EPHA6: variants seen among roughly 807,000 people sequenced by gnomAD.
EPHA6 encodes EPH receptor A6.
EPHA6 carries 50 observed loss-of-function variants against 112.0 expected under a neutral mutation model. The ratio of observed to expected loss-of-function variants is 0.45; its 90% CI spans 0.36 to 0.56. EPHA6 has a LOEUF of 0.56. Among genes scored for constraint, EPHA6 ranks in the 20% least tolerant of loss-of-function variants. EPHA6 has a pLI of 0.00. For missense variants in EPHA6, 1,280 were observed against 1,417.4 expected (o/e 0.90, Z 1.56); for synonymous variants, 529 against 490.7 (o/e 1.08, Z -1.03).
At chr3:97,076,764 G>A (rs2046540303) in intron 3 of EPHA6, among the ~76,000 whole-genome samples, 1 of 152,128 alleles carries the variant, frequency 6.6e-6, no homozygotes, top group Non-Finnish European at 1.5e-5. Context: ...TTGAGTGGGA[G>A]TCAGTGCTCA....
At chr3:97,504,687 C>G (rs1050331429) in intron 10 of EPHA6, among the ~76,000 whole-genome samples, 1 of 151,998 alleles carries the variant, frequency 6.6e-6, no homozygotes, top group Admixed American at 6.6e-5. Flanking sequence ...ACTGCCTGCC[C>G]GATGGTATAT....
intron 6 of EPHA6, among the ~76,000 whole-genome samples, chr3:97,407,081 G>C (rs1157247334): frequency 6.6e-6 from 1 of 151,986 alleles, no homozygotes; most frequent in Non-Finnish European, 1.5e-5. Flanking sequence ...TGATATGTTT[G>C]AGGATGAAAA....
At chr3:96,984,305 T>C (rs927399130) in intron 2 of EPHA6, among the ~76,000 whole-genome samples, 2 of 152,184 alleles carry the variant, frequency 1.3e-5, no homozygotes, top group African/African-American at 4.8e-5. Flanking sequence ...TGTTGGAGTT[T>C]GCTGGAGGTC....
intron 2 of EPHA6, among the ~76,000 whole-genome samples, chr3:96,922,772 C>T (rs1201942313): frequency 1.3e-5 from 2 of 152,082 alleles, no homozygotes; most frequent in Non-Finnish European, 2.9e-5. Flanking sequence ...GCCCAGCATC[C>T]ATTAGCTATT....
chr3:97,511,236 A>G (rs6779427), intron 10 of EPHA6, among the ~76,000 whole-genome samples: 5,864 of 151,386 alleles, frequency 0.039, 140 homozygotes, highest in South Asian at 0.086. Flanking sequence ...AAAAAAAAAA[A>G]ACTTCTGCAG....
chr3:97,242,224 C>A (rs1319727971), intron 4 of EPHA6, among the ~76,000 whole-genome samples: 1 of 151,820 alleles, frequency 6.6e-6, no homozygotes, highest in African/African-American at 2.4e-5. Flanking sequence ...TCCAATGAGC[C>A]TAGCAGTCCT....
intron 3 of EPHA6, among the ~76,000 whole-genome samples, chr3:97,213,877 G>GT (rs2077950206): frequency 1.3e-5 from 2 of 151,954 alleles, no homozygotes; most frequent in African/African-American, 4.8e-5. Flanking sequence ...AGGTCTAATG[G>GT]TTTTTCTATT....
chr3:97,273,588 C>A (rs556952472), intron 5 of EPHA6, among the ~76,000 whole-genome samples: 1 of 152,130 alleles, frequency 6.6e-6, no homozygotes, highest in Non-Finnish European at 1.5e-5. Flanking sequence ...ATTGTCCATT[C>A]CTTTTTAAGT....
chr3:96,831,179 G>A (rs1378783854), intron 1 of EPHA6, among the ~76,000 whole-genome samples: 1 of 151,792 alleles, frequency 6.6e-6, no homozygotes, highest in African/African-American at 2.4e-5. Context: ...TATTATTTTT[G>A]TGGGTATAAA....
intron 3 of EPHA6, among the ~76,000 whole-genome samples, chr3:96,994,726 TATATATAGAGAG>T (rs2043342701): frequency 1.3e-5 from 1 of 78,290 alleles, no homozygotes; most frequent in Non-Finnish European, 2.4e-5. Flanking sequence ...TATATATATA[TATATATAGAGAG>T]AGAGAGAGAG....
intron 6 of EPHA6, chr3:97,447,943 A>G (rs1228745808): frequency 1.2e-5 from 3 of 257,414 alleles, no homozygotes; most frequent in South Asian, 3.0e-4. Context: ...AATAAGCTAT[A>G]TTTAGGGGAG....
chr3:96,920,152 A>G lies in EPHA6; in HGVS notation c.450+53263A>G, dbSNP rs927848726. 4.7e-4 allele frequency among the ~76,000 whole-genome samples: 71 copies of G among 152,062 alleles called. 1 individual carries two copies. Among genetic ancestry groups the G allele is most frequent in the African/African-American group, 1.6e-3 (65 of 41,566 alleles). On this transcript the variant is annotated intron_variant, in intron 2 of 17. Transcript: ENST00000389672. ...AATCATAATAAATGATTGGTAAAGGAAAACATTAATAACCTTTAGTGAAGC... is the reference window on the plus strand; with the variant it reads ...AATCATAATAAATGATTGGTAAAGGGAAACATTAATAACCTTTAGTGAAGC...
At chr3:96,824,285 T>C (rs1330665338) in intron 1 of EPHA6, among the ~76,000 whole-genome samples, 2 of 151,728 alleles carry the variant, frequency 1.3e-5, no homozygotes, top group Non-Finnish European at 2.9e-5. Context: ...AGCTAAATGG[T>C]ATATATATAT....
In EPHA6 at chr3:96,884,545, A is replaced by C. The variant is rs188696477; in HGVS notation, c.450+17656A>C. ...TGTTTAGTCGCTGTTGGTATATGGA[A>C]GAGCTACTGACTTGTGTACATTAAT... On this transcript the variant is annotated intron_variant, in intron 2 of 17. Coordinates refer to ENST00000389672, the MANE Select transcript of EPHA6 (RefSeq NM_001080448.3). 2.8e-3 allele frequency among the ~76,000 whole-genome samples: 430 copies of C among 152,318 alleles called. 3 individuals are homozygous for C. Among genetic ancestry groups the C allele is most frequent in the Non-Finnish European group, 4.0e-3 (269 of 68,030 alleles).
At chr3:96,874,278 A>T (rs192374176) in intron 2 of EPHA6, among the ~76,000 whole-genome samples, 6 of 152,170 alleles carry the variant, frequency 3.9e-5, no homozygotes, top group Non-Finnish European at 8.8e-5. Context: ...AGGATGCTTA[A>T]TTATTCACAA....
chr3:97,368,363 G>T (rs1162755542), intron 5 of EPHA6, among the ~76,000 whole-genome samples: 1 of 151,888 alleles, frequency 6.6e-6, no homozygotes, highest in East Asian at 1.9e-4. Context: ...TTATAAATAT[G>T]ATAAAGAAGT....
intron 14 of EPHA6, among the ~76,000 whole-genome samples, chr3:97,641,873 G>A (rs1384026415): frequency 2.6e-5 from 4 of 151,924 alleles, no homozygotes; most frequent in East Asian, 3.9e-4. Context: ...AGGGGCGCCC[G>A]CCATTGCCCA....
At chr3:97,696,272 A>G (rs889540130) in intron 14 of EPHA6, among the ~76,000 whole-genome samples, 1 of 152,236 alleles carries the variant, frequency 6.6e-6, no homozygotes, top group Non-Finnish European at 1.5e-5. Flanking sequence ...AACAGAGAGC[A>G]GGATAGATCT....
intron 3 of EPHA6, among the ~76,000 whole-genome samples, chr3:97,199,986 A>C (rs954684964): frequency 2.6e-5 from 4 of 152,094 alleles, no homozygotes; most frequent in African/African-American, 9.7e-5. Flanking sequence ...CTCGTGAAGA[A>C]AGTATGATTT....
Sources: gnomAD v4.1 joint callset for allele counts (sites outside exome capture counted in the v4.1 genomes callset) on GRCh38, gnomAD v4.1.1 for gene constraint, MANE v1.5 for transcripts, NCBI Gene and HGNC (gene_info 2026-07-23, HGNC 2026-07-21) for gene names.